ANO3: variants seen among roughly 807,000 people sequenced by gnomAD.
The protein encoded by ANO3 is anoctamin-3.
A neutral mutation model predicts 144.8 loss-of-function variants in ANO3; 99 were observed. That is an observed-to-expected ratio of 0.68 (90% CI 0.58 to 0.81). ANO3 has a LOEUF of 0.81. ANO3 is among the 30% of genes least tolerant of loss of function. The probability of loss-of-function intolerance (pLI) is 0.00; values close to 1 mark genes in which losing one functional copy is unlikely to be tolerated. For missense variants in ANO3, 905 were observed against 1,202.2 expected, an observed-to-expected ratio of 0.75 and a Z score of 3.66; for synonymous variants, 414 against 392.6, an observed-to-expected ratio of 1.05 and a Z score of -0.64.
chr11:26,557,275 G>A (rs984208380), intron 13 of ANO3, among the ~76,000 whole-genome samples: 26 of 151,808 alleles, frequency 1.7e-4, no homozygotes, highest in Admixed American at 1.2e-3. Flanking sequence ...TCCTGGCTAA[G>A]ACAGTGAAAC....
chr11:26,411,407 T>A (rs1857428379), intron 1 of ANO3, among the ~76,000 whole-genome samples: 1 of 152,018 alleles, frequency 6.6e-6, no homozygotes, highest in African/African-American at 2.4e-5. Context: ...CTATTTTCAA[T>A]AATTACCAGT....
chr11:26,517,111 A>T (rs1861893117), intron 6 of ANO3, among the ~76,000 whole-genome samples, 184 bp downstream of exon 6: 1 of 151,470 alleles, frequency 6.6e-6, no homozygotes, highest in Non-Finnish European at 1.5e-5. Flanking sequence ...AAACTTTCTG[A>T]TTTCCTGGAC....
At chr11:26,262,858 C>G (rs1289864289) in intron 1 of ANO3, among the ~76,000 whole-genome samples, 1 of 152,088 alleles carries the variant, frequency 6.6e-6, no homozygotes, top group East Asian at 1.9e-4. Flanking sequence ...GCACATTGAT[C>G]TTGGGCTTCT....
chr11:26,264,116 T>C (rs1368759326), intron 1 of ANO3, among the ~76,000 whole-genome samples: 5 of 152,220 alleles, frequency 3.3e-5, no homozygotes, highest in African/African-American at 1.2e-4. Context: ...CCATGTGGGC[T>C]GAAGTGGTAA....
intron 1 of ANO3, among the ~76,000 whole-genome samples, chr11:26,334,870 C>A (rs930406378): frequency 2.0e-5 from 3 of 152,090 alleles, no homozygotes; most frequent in Non-Finnish European, 4.4e-5. Flanking sequence ...CCTGATATAA[C>A]TAGAAATCAC....
At chr11:26,573,558 G>T (rs1266218766) in intron 14 of ANO3, among the ~76,000 whole-genome samples, 1 of 152,150 alleles carries the variant, frequency 6.6e-6, no homozygotes, top group African/African-American at 2.4e-5. Flanking sequence ...GGCCTTTTCT[G>T]CAATATGTGT....
At chr11:26,600,563 C>G (rs917587930) in intron 17 of ANO3, among the ~76,000 whole-genome samples, 1 of 118,156 alleles carries the variant, frequency 8.5e-6, no homozygotes. Flanking sequence ...TTAATCCCTC[C>G]CTCTCTCACT....
intron 1 of ANO3, among the ~76,000 whole-genome samples, chr11:26,277,706 A>G (rs904272894): frequency 6.6e-6 from 1 of 151,902 alleles, no homozygotes; most frequent in Non-Finnish European, 1.5e-5. Context: ...GACTTGTCCA[A>G]ATAGATAATA....
At chr11:26,395,093 C>T (rs973239392) in intron 1 of ANO3, among the ~76,000 whole-genome samples, 2 of 152,104 alleles carry the variant, frequency 1.3e-5, no homozygotes, top group African/African-American at 4.8e-5. Flanking sequence ...AGTTAGTGTT[C>T]AGCCAACAAT....
intron 1 of ANO3, among the ~76,000 whole-genome samples, chr11:26,373,946 G>A (rs1179079800): frequency 6.6e-6 from 1 of 152,062 alleles, no homozygotes; most frequent in Non-Finnish European, 1.5e-5. Flanking sequence ...TTTATACTTT[G>A]TTTTCAGGAC....
At chr11:26,407,076 G>GTATATATATATATATATATATATA (rs374806519) in intron 1 of ANO3, among the ~76,000 whole-genome samples, 3 of 101,508 alleles carry the variant, frequency 3.0e-5, no homozygotes, top group Non-Finnish European at 4.1e-5. Context: ...GTGTGTGTGT[G>GTATATATATATATATATATATATA]TATATATATA....
chr11:26,385,217 T>C (rs1856690710), intron 1 of ANO3, among the ~76,000 whole-genome samples: 2 of 152,152 alleles, frequency 1.3e-5, no homozygotes, highest in South Asian at 4.1e-4. Context: ...ATAAGCATAT[T>C]AGGAGCTATG....
intron 1 of ANO3, among the ~76,000 whole-genome samples, chr11:26,282,222 A>G (rs939336799): frequency 1.3e-5 from 2 of 152,148 alleles, no homozygotes; most frequent in Non-Finnish European, 2.9e-5. Context: ...TGTTTTCCGC[A>G]TCAGCTACCA....
At chr11:26,322,355 A>G (rs1854779960) in intron 1 of ANO3, among the ~76,000 whole-genome samples, 1 of 152,074 alleles carries the variant, frequency 6.6e-6, no homozygotes, top group East Asian at 1.9e-4. Flanking sequence ...CAGCTGATGA[A>G]CCAGTATTCA....
chr11:26,496,340 G>A lies in ANO3; in HGVS notation c.433-11764G>A, dbSNP rs185463123. On this transcript the variant is annotated intron_variant, in intron 4 of 26. Coordinates refer to ENST00000256737, the MANE Select transcript of ANO3 (RefSeq NM_031418.4). ...TGATGCACACTGGGCTGTCTGACTC[G>A]TTCACCAGTGTATCCCTGGCACCTA... Among the ~76,000 whole-genome samples the A allele has an allele frequency of 1.8e-4, 28 of 152,214 alleles. No individual in the cohort carries two copies. In the East Asian group the frequency reaches 3.1e-3, roughly 17 times the overall value.
intron 17 of ANO3, among the ~76,000 whole-genome samples, chr11:26,608,299 G>A (rs1851992674): frequency 6.6e-6 from 1 of 152,180 alleles, no homozygotes; most frequent in Non-Finnish European, 1.5e-5. Context: ...GAACAGAAAA[G>A]ATGGGTGCCT....
chr11:26,569,264 C>T (rs1484860140), intron 14 of ANO3, among the ~76,000 whole-genome samples: 1 of 152,112 alleles, frequency 6.6e-6, no homozygotes, highest in African/African-American at 2.4e-5. Flanking sequence ...CACTCTGTTA[C>T]TGCCTATAAT....
chr11:26,221,438 G>A (rs367663421), intron 1 of ANO3, among the ~76,000 whole-genome samples: 4 of 152,296 alleles, frequency 2.6e-5, no homozygotes, highest in East Asian at 3.9e-4. Flanking sequence ...TACTCACAGT[G>A]GCCACAGGGT....
intron 1 of ANO3, among the ~76,000 whole-genome samples, chr11:26,229,016 A>T (rs1297446898): frequency 1.3e-5 from 2 of 152,244 alleles, no homozygotes; most frequent in Non-Finnish European, 2.9e-5. Flanking sequence ...TTCCGTTCTA[A>T]GTAATCTGAG....
Sources: allele counts gnomAD v4.1 joint callset (sites outside exome capture counted in the v4.1 genomes callset), GRCh38; gene constraint gnomAD v4.1.1; transcripts MANE v1.5; gene names NCBI Gene and HGNC (gene_info 2026-07-23, HGNC 2026-07-21).